The following COL11A2 variants were observed in gnomAD, a reference collection of about 807,000 sequenced individuals.
COL11A2 encodes the protein collagen type XI alpha 2 chain, also known as collagen alpha-2(XI) chain.
Under a neutral mutation model 273.4 loss-of-function variants are expected in COL11A2, and 116 were observed. The observed-to-expected ratio is 0.42, with a 90% CI of 0.36 to 0.49. The LOEUF (loss-of-function observed/expected upper bound fraction) is 0.49, where lower values mean the gene tolerates loss of function less well. COL11A2 is among the 20% of genes least tolerant of loss of function. The probability of loss-of-function intolerance (pLI) is 0.00; values close to 1 mark genes in which losing one functional copy is unlikely to be tolerated. For missense variants in COL11A2, 1,866 were observed against 2,309.0 expected, an observed-to-expected ratio of 0.81 and a Z score of 3.93; for synonymous variants, 782 against 864.2, an observed-to-expected ratio of 0.90 and a Z score of 1.67.
rs1471304457 is a variant in COL11A2, at chr6:33,180,659, C to T, written c.1284+9G>A. On this transcript the variant is annotated intron_variant, in intron 11 of 65. Transcript: ENST00000341947. ...AAGCTCCCCCGTCACATGGAGGACA[C>T]CCCCTTACCCTCTCTCCAGGGTCTC... 6.2e-7 allele frequency: 1 copy of T among 1,602,536 alleles called. No individual in the cohort carries two copies. The highest frequency in any genetic ancestry group is 8.5e-7 in the Non-Finnish European group (1 of 1,174,932).
At chr6:33,183,231 C>G (rs1171712998) in intron 8 of COL11A2, among the ~76,000 whole-genome samples, 1 of 152,012 alleles carries the variant, frequency 6.6e-6, no homozygotes. Context: ...ATGCCAGGGC[C>G]GAAGAAAATT....
chr6:33,193,247 G>A (rs1325373118), upstream of COL11A2, among the ~76,000 whole-genome samples: 1 of 151,918 alleles, frequency 6.6e-6, no homozygotes, highest in Non-Finnish European at 1.5e-5. Flanking sequence ...CCCACGAGCG[G>A]GCACGGCGCC....
In COL11A2 at chr6:33,176,001, G is replaced by A; in HGVS notation, c.2268+15C>T. ...TAGAACACGGAATTGGGGCCAGTGTGGGGTCTCTACTCACCCTGTCACCTT... is the reference window on the plus strand; with the variant it reads ...TAGAACACGGAATTGGGGCCAGTGTAGGGTCTCTACTCACCCTGTCACCTT... On this transcript the variant is annotated intron_variant, in intron 29 of 65. Coordinates refer to ENST00000341947, the MANE Select transcript of COL11A2 (RefSeq NM_080680.3). The surrounding 1 kb of genome is among the most constrained non-coding windows in gnomAD (Gnocchi z 4.9). The A allele has an allele frequency of 6.2e-7, 1 of 1,612,956 alleles. No individual in the cohort carries two copies. The highest frequency in any genetic ancestry group is 8.5e-7 in the Non-Finnish European group (1 of 1,179,964).
rs1174784321 is a variant in COL11A2 at position 33,164,491 on chromosome 6, G to A, written c.4864-18C>T. Reference sequence around the variant, plus strand: ...TAAGAGAACTGGAAGGAGAGAGAGGGCTGGCCTCAGAGGGGGAGAGAGAGG... The same window carrying A: ...TAAGAGAACTGGAAGGAGAGAGAGGACTGGCCTCAGAGGGGGAGAGAGAGG... On this transcript the variant is annotated intron_variant, in intron 64 of 65. Coordinates refer to ENST00000341947, the MANE Select transcript of COL11A2 (RefSeq NM_080680.3). This position sits in a 1 kb window ranked among gnomAD's most constrained non-coding sequence, Gnocchi z 4.7. 1 of 1,516,756 alleles carries A rather than the reference G, an allele frequency of 6.6e-7. No homozygotes were observed. The highest frequency in any genetic ancestry group is 2.0e-5 in the Admixed American group (1 of 49,120). The allele number at this position is 1,516,756 out of a possible 1,614,324, so 94.0% of individuals were successfully genotyped here. A position where few individuals can be genotyped will look rare whatever the true frequency, so the allele number is the denominator to read the frequency against.
chr6:33,192,205 G>A lies in COL11A2; in HGVS notation c.36C>T (p.Leu12=), dbSNP rs1407526799. 1.9e-6 allele frequency: 3 copies of A among 1,566,738 alleles called. No homozygotes were observed. Among genetic ancestry groups the A allele is most frequent in the Admixed American group, 1.9e-5 (1 of 52,586 alleles). ...ERCSRCHRLL[L]LLPLVLGLSA... ...TCAGCCCCAGCACCAGAGGTAGGAGGAGGAGGAGGCGATGGCAGCGGCTGC... is the reference window on the plus strand; with the variant it reads ...TCAGCCCCAGCACCAGAGGTAGGAGAAGGAGGAGGCGATGGCAGCGGCTGC... Residue 12 remains leucine (L), a synonymous_variant, in exon 1 of 66, where the codon CTC becomes CTT. Transcript: ENST00000341947.
rs727502939 is a variant in COL11A2 at position 33,170,103 on chromosome 6, G to A, written c.3583-3C>T. ...CCTCCTGGGGGACCTTGTGGGCCCTGGAAGAGGAACAGAAATAGGTGTCAT... is the reference window on the plus strand; with the variant it reads ...CCTCCTGGGGGACCTTGTGGGCCCTAGAAGAGGAACAGAAATAGGTGTCAT... On this transcript the variant is annotated splice_region_variant and splice_polypyrimidine_tract_variant and intron_variant, in intron 48 of 65. Coordinates refer to ENST00000341947, the MANE Select transcript of COL11A2 (RefSeq NM_080680.3). This position sits in a 1 kb window ranked among gnomAD's most constrained non-coding sequence, Gnocchi z 4.3. 54 of 1,612,930 alleles carry A rather than the reference G, an allele frequency of 3.3e-5. No homozygotes were observed. The highest frequency in any genetic ancestry group is 5.0e-5 in the Admixed American group (3 of 60,000).
intron 30 of COL11A2, 114 bp from the exon 31 acceptor site, chr6:33,174,694 C>T (rs1562344101): frequency 6.3e-6 from 6 of 944,896 alleles, no homozygotes; most frequent in Non-Finnish European, 3.4e-6. Context: ...ACACACCCCA[C>T]ACACCCCAGC....
At position 33,190,201 on chromosome 6, in the gene COL11A2, G is replaced by A. The variant is rs539441661; in HGVS notation, c.83-732C>T. Among the ~76,000 whole-genome samples, 173 of 152,138 alleles carry A rather than the reference G, an allele frequency of 1.1e-3. No individual in the cohort carries two copies. Among genetic ancestry groups the A allele is most frequent in the African/African-American group, 4.0e-3 (167 of 41,486 alleles). On this transcript the variant is annotated intron_variant, in intron 1 of 65. Coordinates refer to ENST00000341947, the MANE Select transcript of COL11A2 (RefSeq NM_080680.3). The surrounding 1 kb of genome is among the most constrained non-coding windows in gnomAD (Gnocchi z 4.5). ...GGTTTAGGAGATGAGTTGGGGAGGG[G>A]TGGAGGAATGGGGGGCAGGGGCTGA...
chr6:33,175,334 C>T (rs1386373834), intron 30 of COL11A2: 1 of 659,736 alleles, frequency 1.5e-6, no homozygotes, highest in African/African-American at 1.8e-5. Flanking sequence ...CTTGAAGCAA[C>T]AGCTACTCTC....
intron 1 of COL11A2, among the ~76,000 whole-genome samples, chr6:33,191,158 A>G (rs1773061904): frequency 6.6e-6 from 1 of 151,828 alleles, no homozygotes; most frequent in African/African-American, 2.4e-5. Context: ...CCTAAGAAAG[A>G]CTCCTAGAGT....
Position 33,177,524 on chromosome 6 carries a change from C to T in COL11A2, c.1918-59G>A, listed in dbSNP as rs1226947280. 5.0e-5 allele frequency: 80 copies of T among 1,599,060 alleles called. No homozygotes were observed. The highest frequency in any genetic ancestry group is 4.3e-6 in the Non-Finnish European group (5 of 1,168,770). On this transcript the variant is annotated intron_variant, in intron 22 of 65. Coordinates refer to ENST00000341947, the MANE Select transcript of COL11A2 (RefSeq NM_080680.3). The surrounding 1 kb of genome is among the most constrained non-coding windows in gnomAD (Gnocchi z 5.9). ...AGATGGAGATAGAACACATTTAGAG[C>T]ATGGAGCTGAGTCCCAGCAGCGATA...
At position 33,176,475 on chromosome 6, in the gene COL11A2, TC is replaced by T; in HGVS notation, c.2126del (p.Gly709AspfsTer6). 1 of 1,612,116 alleles carries T rather than the reference TC, an allele frequency of 6.2e-7. No homozygotes were observed. Among genetic ancestry groups the T allele is most frequent in the Non-Finnish European group, 8.5e-7 (1 of 1,179,556 alleles). ...PGTKGNQGPS[G>X]PQGPLGYPGP... ...CTGGGTATCCTAGAGGTCCCTGAGG[TC>T]CAGAGGGACCCTGGAAGATAAAAGA... On this transcript the variant is annotated frameshift_variant, in exon 27 of 66. Coordinates refer to ENST00000341947, the MANE Select transcript of COL11A2 (RefSeq NM_080680.3). LOFTEE classifies it high-confidence loss of function. This position sits in a 1 kb window ranked among gnomAD's most constrained non-coding sequence, Gnocchi z 4.9.
Position 33,178,725 on chromosome 6 carries a change from C to T in COL11A2, c.1673G>A (p.Arg558Gln), listed in dbSNP as rs528974246. The T allele has an allele frequency of 1.8e-5, 29 of 1,612,440 alleles. No individual in the cohort carries two copies. The highest frequency in any genetic ancestry group is 2.2e-5 in the Non-Finnish European group (26 of 1,179,824). Residue 558 changes from arginine (R) to glutamine (Q), a missense_variant, in exon 18 of 66, where the codon CGA becomes CAA. Arg to Gln is a conservative substitution (Grantham distance 43). Transcript: ENST00000341947. This position sits in a 1 kb window ranked among gnomAD's most constrained non-coding sequence, Gnocchi z 4.6. The stretch of plus-strand genomic sequence containing the variant: ...GAGCCCTGGGAGTCCATCAAAACCT[C>T]GGTCACCCTAGGAGGAGGAAGGATA... Reference protein sequence around the residue: ...MPGDPGVKGDRGFDGLPGLPG... With the variant: ...MPGDPGVKGDQGFDGLPGLPG...
At position 33,164,142 on chromosome 6, in the gene COL11A2, C is replaced by G. The variant is rs1768731299; in HGVS notation, c.5070+125G>C. 1.7e-6 allele frequency: 2 copies of G among 1,190,736 alleles called. No homozygotes were observed. The highest frequency in any genetic ancestry group is 2.3e-5 in the Admixed American group (1 of 42,652). The allele number at this position is 1,190,736 out of a possible 1,614,324, so 73.8% of individuals were successfully genotyped here. The stretch of plus-strand genomic sequence containing the variant: ...GGCTTTTGAGCTCCCTCAGGCATCC[C>G]TGACAATCCAGCAGGACGGACTCCT... On this transcript the variant is annotated intron_variant, in intron 65 of 65. Transcript: ENST00000341947. This position sits in a 1 kb window ranked among gnomAD's most constrained non-coding sequence, Gnocchi z 4.7.
In COL11A2 at chr6:33,176,557, GA is replaced by G; in HGVS notation, c.2116-72del. The G allele has an allele frequency of 1.4e-6, 2 of 1,476,194 alleles. No homozygotes were observed. The highest frequency in any genetic ancestry group is 1.9e-6 in the Non-Finnish European group (2 of 1,058,506). 91.4% of individuals were successfully genotyped at this position (1,476,194 alleles called of 1,614,324 possible). On this transcript the variant is annotated intron_variant, in intron 26 of 65. Transcript: ENST00000341947. The surrounding 1 kb of genome is among the most constrained non-coding windows in gnomAD (Gnocchi z 4.9). ...ACTGTGGGGGCCTCCAGGGGTGGAA[GA>G]AATGGAAGTAACAACATTGCTGTCT...
rs1055206078 is a variant in COL11A2, at chr6:33,170,092, T to G, written c.3591A>C (p.Gln1197His). 7 of 1,612,844 alleles carry G rather than the reference T, an allele frequency of 4.3e-6. No individual in the cohort carries two copies. The highest frequency in any genetic ancestry group is 2.7e-5 in the African/African-American group (2 of 74,862). ...PAGPNGADGP[Q>H]GPPGGVGNLG... ...GGTTCCCAACACCTCCTGGGGGACC[T>G]TGTGGGCCCTGGAAGAGGAACAGAA... The change falls in exon 49 of 66, where the codon CAA becomes CAC. Residue 1197 changes from glutamine to histidine, a missense_variant. Transcript: ENST00000341947. This position sits in a 1 kb window ranked among gnomAD's most constrained non-coding sequence, Gnocchi z 4.3.
rs1769793571 is a variant in COL11A2, at chr6:33,169,971, C to T, written c.3636+76G>A. On this transcript the variant is annotated intron_variant, in intron 49 of 65. Transcript: ENST00000341947. The surrounding 1 kb of genome is among the most constrained non-coding windows in gnomAD (Gnocchi z 5.5). ...CCCACATCTCATTCTCTTTTGTCTC[C>T]CCACCCAAAATTGGCAGAAATCCAA... 4 of 1,612,378 alleles carry T rather than the reference C, an allele frequency of 2.5e-6. No homozygotes were observed. The highest frequency in any genetic ancestry group is 2.7e-5 in the African/African-American group (2 of 74,958).
chr6:33,181,553 C>A (rs184457542), intron 8 of COL11A2, among the ~76,000 whole-genome samples: 55 of 152,322 alleles, frequency 3.6e-4, no homozygotes, highest in Middle Eastern at 3.4e-3. Context: ...CGGCTCACTA[C>A]AACCTCTGCC....
chr6:33,177,430 C>T lies in COL11A2; in HGVS notation c.1953G>A (p.Gln651=). The change falls in exon 23 of 66, where the codon CAG becomes CAA. Residue 651 remains glutamine (Q), a synonymous_variant. Coordinates refer to ENST00000341947, the MANE Select transcript of COL11A2 (RefSeq NM_080680.3). This position sits in a 1 kb window ranked among gnomAD's most constrained non-coding sequence, Gnocchi z 5.9. ...PQGEPGPPGQ[Q]GTPGTQGLPG... ...CGCTCACCTGGGTCCCAGGGGTGCC[C>T]TGTTGTCCAGGAGGTCCTGGCTCTC... 6.2e-7 allele frequency: 1 copy of T among 1,612,954 alleles called. No individual in the cohort carries two copies. Among genetic ancestry groups the T allele is most frequent in the Non-Finnish European group, 8.5e-7 (1 of 1,179,956 alleles).
Sources: allele counts gnomAD v4.1 joint callset (sites outside exome capture counted in the v4.1 genomes callset), GRCh38; gene constraint gnomAD v4.1.1; non-coding constraint Gnocchi (gnomAD v3.1); transcripts MANE v1.5; gene names NCBI Gene and HGNC (gene_info 2026-07-23, HGNC 2026-07-21).